Variants in LYRM4 observed in about 807,000 individuals in gnomAD.
The protein encoded by LYRM4 is LYR motif containing 4.
LYRM4 carries 9 observed loss-of-function variants against 11.7 expected under a neutral mutation model. That is an observed-to-expected ratio of 0.77 (90% CI 0.46 to 1.34). LYRM4 has a LOEUF of 1.34. Ranked by LOEUF, LYRM4 falls within the 40% of genes most tolerant of loss-of-function variation. The pLI, the probability that LYRM4 is intolerant of heterozygous loss-of-function variation, is 0.00. For synonymous variants in LYRM4, 42 were observed against 40.4 expected (o/e 1.04, Z -0.15); for missense variants, 133 against 112.5 (o/e 1.18, Z -0.82).
intron 1 of LYRM4, among the ~76,000 whole-genome samples, chr6:5,258,089 G>A (rs1764768477): frequency 6.6e-6 from 1 of 152,190 alleles, no homozygotes; most frequent in Non-Finnish European, 1.5e-5. Flanking sequence ...ACTTGTAAAG[G>A]CCTGGAGGCC....
chr6:5,046,473 G>T, the LYRM4 span, among the ~76,000 whole-genome samples: 2,078 of 152,238 alleles, frequency 0.014, 52 homozygotes, highest in African/African-American at 0.048. Flanking sequence ...GGATTCAGCT[G>T]GGTGATTTGC....
the LYRM4 span, among the ~76,000 whole-genome samples, chr6:5,058,277 G>A: frequency 6.6e-6 from 1 of 152,314 alleles, no homozygotes; most frequent in African/African-American, 2.4e-5. Context: ...ATGAAACCAA[G>A]CCTTGCACAG....
At chr6:5,053,018 A>G in the LYRM4 span, among the ~76,000 whole-genome samples, 1 of 152,264 alleles carries the variant, frequency 6.6e-6, no homozygotes, top group Non-Finnish European at 1.5e-5. Context: ...ACTAAAAAAC[A>G]TATTATGATT....
At chr6:5,184,790 G>A (rs1305636687) in intron 2 of LYRM4, among the ~76,000 whole-genome samples, 1 of 152,188 alleles carries the variant, frequency 6.6e-6, no homozygotes, top group Admixed American at 6.5e-5. Flanking sequence ...GACAGTCCCT[G>A]ATCTCCAGGC....
Position 5,109,062 on chromosome 6 carries a change from G to A in LYRM4, c.*361C>T. ...CATTAATTGGGAGGGGTTTATCTGG[G>A]GTCAAAGGCTCAGGGAGATCATTCT... is the stretch of plus-strand genomic sequence containing the variant. On this transcript the variant is annotated 3_prime_UTR_variant, in exon 3 of 3. Coordinates refer to ENST00000330636, the MANE Select transcript of LYRM4 (RefSeq NM_020408.6). 1 of 1,032,298 alleles carries A rather than the reference G, an allele frequency of 9.7e-7. No individual in the cohort carries two copies. The highest frequency in any genetic ancestry group is 1.2e-6 in the Non-Finnish European group (1 of 858,936). The allele number at this position is 1,032,298 out of a possible 1,614,324, so 63.9% of individuals were successfully genotyped here.
At chr6:5,200,302 A>G (rs1330817888) in intron 2 of LYRM4, among the ~76,000 whole-genome samples, 1 of 151,998 alleles carries the variant, frequency 6.6e-6, no homozygotes, top group Non-Finnish European at 1.5e-5. Flanking sequence ...TCAGATGAGG[A>G]CTCCACTCTC....
chr6:5,231,520 T>C (rs1763241706), intron 1 of LYRM4, among the ~76,000 whole-genome samples: 1 of 152,210 alleles, frequency 6.6e-6, no homozygotes, highest in Non-Finnish European at 1.5e-5. Flanking sequence ...ATGCTGTATG[T>C]AGATTTTTAT....
chr6:5,201,908 G>A (rs1761415189), intron 2 of LYRM4, among the ~76,000 whole-genome samples: 1 of 152,176 alleles, frequency 6.6e-6, no homozygotes, highest in African/African-American at 2.4e-5. Context: ...TGGCTGCGGA[G>A]TCTTAAGCTC....
At chr6:5,052,286 G>T in the LYRM4 span, among the ~76,000 whole-genome samples, 21,676 of 152,148 alleles carry the variant, frequency 0.14, 1,885 homozygotes, top group African/African-American at 0.25. Context: ...ATTCAAGAGA[G>T]TAATGTATTT....
At position 5,141,749 on chromosome 6, in the gene LYRM4, C is replaced by G. The variant is rs560286772; in HGVS notation, c.208-32258G>C. ...AGGCTTTTCCAAACTTTTACCCCCC[C>G]ACCAAACTGAACCGTGACCCTCACT... On this transcript the variant is annotated intron_variant, in intron 2 of 2. Transcript: ENST00000330636. Among the ~76,000 whole-genome samples the G allele has an allele frequency of 3.3e-5, 5 of 152,262 alleles. No homozygotes were observed. In the South Asian group the frequency reaches 8.3e-4, roughly 25 times the overall value.
At chr6:5,038,094 C>A in the LYRM4 span, among the ~76,000 whole-genome samples, 1 of 58,648 alleles carries the variant, frequency 1.7e-5, no homozygotes, top group Non-Finnish European at 4.1e-5. Context: ...TCAGACGGGG[C>A]GGCCGGGCAG....
At chr6:5,204,673 C>T (rs1561869084) in intron 2 of LYRM4, among the ~76,000 whole-genome samples, 1 of 152,136 alleles carries the variant, frequency 6.6e-6, no homozygotes, top group Non-Finnish European at 1.5e-5. Flanking sequence ...CCCCTTTCAA[C>T]ACTGAAGTTC....
the LYRM4 span, among the ~76,000 whole-genome samples, chr6:5,063,556 A>G: frequency 6.6e-6 from 1 of 152,082 alleles, no homozygotes; most frequent in African/African-American, 2.4e-5. Context: ...TCTGAACCCC[A>G]CTGGAAGAAG....
intron 1 of LYRM4, among the ~76,000 whole-genome samples, chr6:5,225,440 C>T (rs1315116724): frequency 6.6e-6 from 1 of 151,988 alleles, no homozygotes; most frequent in East Asian, 1.9e-4. Context: ...TCTACGTGTA[C>T]ATTTTTTTTC....
the LYRM4 span, among the ~76,000 whole-genome samples, chr6:5,093,952 AC>A: frequency 6.6e-6 from 1 of 152,176 alleles, no homozygotes; most frequent in Non-Finnish European, 1.5e-5. Flanking sequence ...CAGGGTCCTG[AC>A]TTGCCAGTGG....
At chr6:5,129,221 G>T (rs1033941347) in intron 2 of LYRM4, among the ~76,000 whole-genome samples, 10 of 152,176 alleles carry the variant, frequency 6.6e-5, no homozygotes, top group Admixed American at 3.9e-4. Flanking sequence ...GACAACCCAG[G>T]TTTCTCCAAA....
chr6:5,200,304 T>C (rs572952908), intron 2 of LYRM4, among the ~76,000 whole-genome samples: 2 of 152,280 alleles, frequency 1.3e-5, no homozygotes, highest in African/African-American at 4.8e-5. Flanking sequence ...AGATGAGGAC[T>C]CCACTCTCGA....
intron 2 of LYRM4, among the ~76,000 whole-genome samples, chr6:5,166,605 C>G (rs548725276): frequency 6.6e-6 from 1 of 152,126 alleles, no homozygotes; most frequent in African/African-American, 2.4e-5. Context: ...CCCAAAATAA[C>G]CCACGTTGGG....
At position 5,160,618 on chromosome 6, in the gene LYRM4, T is replaced by C. The variant is rs115377166; in HGVS notation, c.208-51127A>G. Among the ~76,000 whole-genome samples, 541 of 150,452 alleles carry C rather than the reference T, an allele frequency of 3.6e-3. 4 individuals carry two copies. Among genetic ancestry groups the C allele is most frequent in the Non-Finnish European group, 5.4e-3 (363 of 67,746 alleles). On this transcript the variant is annotated intron_variant, in intron 2 of 2. Transcript: ENST00000330636. Reference sequence around the variant, plus strand: ...CCTGCTGCCATGTGAGATGTGCCTTTGTTCCCTCCTTTGCCTTCTGCCATG... The same window carrying C: ...CCTGCTGCCATGTGAGATGTGCCTTCGTTCCCTCCTTTGCCTTCTGCCATG...
Sources: gnomAD v4.1 joint callset for allele counts (sites outside exome capture counted in the v4.1 genomes callset) on GRCh38, gnomAD v4.1.1 for gene constraint, MANE v1.5 for transcripts, NCBI Gene and HGNC (gene_info 2026-07-23, HGNC 2026-07-21) for gene names.